RABGGTB: variants seen among roughly 807,000 people sequenced by gnomAD.
The protein encoded by RABGGTB is geranylgeranyl transferase type-2 subunit beta.
In RABGGTB, 20 loss-of-function variants were observed where a neutral mutation model predicts 44.5. The observed-to-expected ratio is 0.45, with a 90% CI of 0.32 to 0.65. The LOEUF (loss-of-function observed/expected upper bound fraction) is 0.65, where lower values mean the gene tolerates loss of function less well. Ranked by LOEUF, RABGGTB falls within the 30% of genes least tolerant of loss-of-function variation. RABGGTB has a pLI of 0.05. For missense variants in RABGGTB, 302 were observed against 398.7 expected (o/e 0.76, Z 2.06); for synonymous variants, 128 against 136.7 (o/e 0.94, Z 0.44).
Position 75,787,591 on chromosome 1 carries a change from A to G in RABGGTB, c.98A>G (p.Lys33Arg), listed in dbSNP as rs772035160. The G allele has an allele frequency of 7.5e-6, 12 of 1,610,680 alleles. No homozygotes were observed. In the East Asian group the frequency reaches 2.5e-4, roughly 33 times the overall value. The change falls in exon 2 of 9, where the codon AAG (lysine) becomes AGG (arginine). Residue 33 changes from lysine (K) to arginine (R), a missense_variant. Lys to Arg is a conservative substitution (Grantham distance 26). Around this residue, in one of 2 missense-constraint regions of RABGGTB, gnomAD observed 89 missense variants for 75.0 expected, o/e 1.19. Transcript: ENST00000319942. ...HADYIASYGS[K>R]KDDYEYCMSE... ...GATTATATCGCATCCTATGGCTCAA[A>G]GAAAGATGATTATGTATGTATAATT...
intron 4 of RABGGTB, chr1:75,790,404 A>G (rs1649618124): frequency 8.7e-7 from 1 of 1,152,130 alleles, no homozygotes; most frequent in Admixed American, 4.4e-5. Context: ...GGAGGGAGGG[A>G]ATAGAATTTT....
chr1:75,786,346 G>T, intron 1 of RABGGTB, 72 bp downstream of exon 1: 1 of 1,580,938 alleles, frequency 6.3e-7, no homozygotes, highest in South Asian at 1.1e-5. Context: ...TAAGCACACT[G>T]GTCACCTTAG....
intron 6 of RABGGTB, chr1:75,791,792 G>T: frequency 2.1e-6 from 1 of 487,454 alleles, no homozygotes; most frequent in Non-Finnish European, 3.6e-6. Context: ...AAACATAAGT[G>T]GGTTTATAAG....
Position 75,794,727 on chromosome 1 carries a change from A to G in RABGGTB, c.*77A>G. On this transcript the variant is annotated 3_prime_UTR_variant, in exon 9 of 9. Coordinates refer to ENST00000319942, the MANE Select transcript of RABGGTB (RefSeq NM_004582.4). Reference sequence around the variant, plus strand: ...GTATTTGAAGTGCTTATCGAATCTAAAAGTGACTACTGTTAATATTTTGTA... The same window carrying G: ...GTATTTGAAGTGCTTATCGAATCTAGAAGTGACTACTGTTAATATTTTGTA... 2 of 1,202,580 alleles carry G rather than the reference A, an allele frequency of 1.7e-6. No homozygotes were observed. The allele number at this position is 1,202,580 out of a possible 1,614,324, so 74.5% of individuals were successfully genotyped here. A position where few individuals can be genotyped will look rare whatever the true frequency, so the allele number is the denominator to read the frequency against.
intron 1 of RABGGTB, chr1:75,786,996 A>G (rs1424209805): frequency 2.1e-6 from 1 of 476,802 alleles, no homozygotes; most frequent in East Asian, 5.7e-5. Flanking sequence ...AAGCTTTGAT[A>G]TTCTATGGTG....
intron 8 of RABGGTB, 58 bp from the exon 9 acceptor site, chr1:75,794,452 A>C (rs1649720679): frequency 6.6e-7 from 1 of 1,525,096 alleles, no homozygotes; most frequent in Non-Finnish European, 8.9e-7. Context: ...GGTATTCATA[A>C]TTTGAAGTTA....
chr1:75,794,432 G>A, intron 8 of RABGGTB, 78 bp from the exon 9 acceptor site: 1 of 1,443,104 alleles, frequency 6.9e-7, no homozygotes, highest in East Asian at 2.3e-5. Context: ...TTAGTATATG[G>A]TAAAGGTCAG....
At chr1:75,787,160 T>C in intron 1 of RABGGTB, 1 of 572,256 alleles carries the variant, frequency 1.7e-6, no homozygotes, top group Non-Finnish European at 3.4e-6. Flanking sequence ...GAAAATTACC[T>C]GAATCGTGAC....
At position 75,792,595 on chromosome 1, in the gene RABGGTB, A is replaced by G. The variant is rs543605805; in HGVS notation, c.705+289A>G. On this transcript the variant is annotated intron_variant, in intron 7 of 8. Transcript: ENST00000319942. ...AATTGGATTTTTTAAAAATTAGACT[A>G]CAGAATTTTTGTTTGCAATCTTCTT... is the stretch of plus-strand genomic sequence containing the variant. 7.2e-4 allele frequency among the ~76,000 whole-genome samples: 110 copies of G among 152,282 alleles called. 2 individuals carry two copies. The South Asian group carries it at 9.9e-3, about 14-fold the overall frequency.
intron 2 of RABGGTB, chr1:75,788,327 A>G (rs144629968): frequency 2.3e-4 from 39 of 166,972 alleles, no homozygotes; most frequent in African/African-American, 7.6e-4. Context: ...TTTGAGAGCT[A>G]TAACCTCACT....
chr1:75,794,872 T>G lies in RABGGTB; in HGVS notation c.*222T>G, dbSNP rs181892391. Reference sequence around the variant, plus strand: ...GTTATTCTGACTACAGTTCTTTGTGTATACTTCTGTGTCTGTTATGTTCAA... The same window carrying G: ...GTTATTCTGACTACAGTTCTTTGTGGATACTTCTGTGTCTGTTATGTTCAA... On this transcript the variant is annotated 3_prime_UTR_variant, in exon 9 of 9. Coordinates refer to ENST00000319942, the MANE Select transcript of RABGGTB (RefSeq NM_004582.4). The G allele has an allele frequency of 4.4e-6, 1 of 228,410 alleles. No homozygotes were observed. The highest frequency in any genetic ancestry group is 8.2e-6 in the Non-Finnish European group (1 of 122,376). The allele number at this position is 228,410 out of a possible 1,614,324, so 14.1% of individuals were successfully genotyped here. A position where few individuals can be genotyped will look rare whatever the true frequency, so the allele number is the denominator to read the frequency against.
intron 4 of RABGGTB, chr1:75,790,368 T>C (rs955545394): frequency 1.3e-5 from 16 of 1,192,420 alleles, no homozygotes; most frequent in Non-Finnish European, 1.7e-5. Flanking sequence ...AAAAAAAAAC[T>C]TTACAAACTT....
chr1:75,794,408 T>C, intron 8 of RABGGTB, 102 bp from the exon 9 acceptor site: 1 of 1,351,822 alleles, frequency 7.4e-7, no homozygotes, highest in Non-Finnish European at 1.0e-6. Context: ...TCTTGTCGCT[T>C]GTTGCTAACA....
Position 75,794,377 on chromosome 1 carries a change from T to C in RABGGTB, c.856-133T>C, listed in dbSNP as rs189715900. On this transcript the variant is annotated intron_variant, in intron 8 of 8. Transcript: ENST00000319942. Reference sequence around the variant, plus strand: ...TTTATTGTAGAGTGTATGAAGGATATAGAACAATCTTACAGAAATTTCTTG... The same window carrying C: ...TTTATTGTAGAGTGTATGAAGGATACAGAACAATCTTACAGAAATTTCTTG... The C allele has an allele frequency of 1.8e-4, 231 of 1,299,032 alleles. 2 individuals are homozygous for C. The South Asian group carries it at 2.3e-3, about 13-fold the overall frequency. The allele number at this position is 1,299,032 out of a possible 1,614,324, so 80.5% of individuals were successfully genotyped here.
At chr1:75,792,076 A>G in intron 6 of RABGGTB, 105 bp from the exon 7 acceptor site, 1 of 1,033,410 alleles carries the variant, frequency 9.7e-7, no homozygotes, top group Non-Finnish European at 1.4e-6. Flanking sequence ...TGTCAGATCA[A>G]GAAGAAAAAC....
intron 4 of RABGGTB, among the ~76,000 whole-genome samples, chr1:75,791,029 A>G (rs1459467135): frequency 6.6e-6 from 1 of 152,090 alleles, no homozygotes; most frequent in Non-Finnish European, 1.5e-5. Context: ...GGCTCAAGTG[A>G]TTCTCCCACC....
At chr1:75,788,114 G>A in intron 2 of RABGGTB, 1 of 331,698 alleles carries the variant, frequency 3.0e-6, no homozygotes, top group South Asian at 2.5e-5. Flanking sequence ...CGATTTGTGG[G>A]ATATATGGTA....
chr1:75,794,486 G>C (rs1649721374), intron 8 of RABGGTB, 24 bp from the exon 9 acceptor site: 18 of 1,598,202 alleles, frequency 1.1e-5, no homozygotes, highest in Non-Finnish European at 1.5e-5. Context: ...TTTGTGATCT[G>C]TATATAAATT....
At chr1:75,791,748 C>T in intron 6 of RABGGTB, 177 bp downstream of exon 6, 1 of 582,334 alleles carries the variant, frequency 1.7e-6, no homozygotes. Flanking sequence ...ATACTATATA[C>T]CTTTCTCTGT....
Sources: gnomAD v4.1 joint callset for allele counts (sites outside exome capture counted in the v4.1 genomes callset) on GRCh38, gnomAD v4.1.1 for gene constraint, gnomAD v4.1.1 regional missense constraint, MANE v1.5 for transcripts, NCBI Gene and HGNC (gene_info 2026-07-23, HGNC 2026-07-21) for gene names.